WASF3: variants seen among roughly 807,000 people sequenced by gnomAD.
The protein encoded by WASF3 is actin-binding protein WASF3.
Under a neutral mutation model 46.6 loss-of-function variants are expected in WASF3, and 11 were observed. The observed-to-expected ratio is 0.24, with a 90% CI of 0.15 to 0.39. WASF3 has a LOEUF of 0.39. Among genes scored for constraint, WASF3 ranks in the 10% least tolerant of loss-of-function variants. The pLI is 1.00. For missense variants in WASF3, 576 were observed against 669.8 expected (o/e 0.86, Z 1.55); for synonymous variants, 242 against 259.7 (o/e 0.93, Z 0.65).
At chr13:26,627,419 G>C (rs1021088805) in intron 2 of WASF3, among the ~76,000 whole-genome samples, 7 of 152,114 alleles carry the variant, frequency 4.6e-5, no homozygotes, top group African/African-American at 1.7e-4. Context: ...TGCTGTGCAT[G>C]CAACATTGTC....
intron 6 of WASF3, among the ~76,000 whole-genome samples, chr13:26,674,876 C>T (rs1253100956): frequency 6.6e-6 from 1 of 152,180 alleles, no homozygotes; most frequent in Non-Finnish European, 1.5e-5. Context: ...TATGTTCTTA[C>T]CAGGCCTTCT....
At chr13:26,601,237 T>A (rs1475569271) in intron 1 of WASF3, among the ~76,000 whole-genome samples, 2 of 152,248 alleles carry the variant, frequency 1.3e-5, no homozygotes, top group East Asian at 3.8e-4. Context: ...ATTCCATTTA[T>A]CTCAGCAGTT....
chr13:26,582,959 A>G (rs1012944452), intron 1 of WASF3, among the ~76,000 whole-genome samples: 8 of 152,200 alleles, frequency 5.3e-5, no homozygotes, highest in Non-Finnish European at 1.2e-4. Context: ...ATACCTTGAG[A>G]GAATAATTAG....
intron 1 of WASF3, among the ~76,000 whole-genome samples, chr13:26,563,636 C>G (rs1879368787): frequency 9.4e-6 from 1 of 106,248 alleles, no homozygotes; most frequent in African/African-American, 3.8e-5. Flanking sequence ...GCCTGGGCAA[C>G]AGAGTGAGAC....
At chr13:26,630,240 A>AT in intron 2 of WASF3, among the ~76,000 whole-genome samples, 1 of 152,208 alleles carries the variant, frequency 6.6e-6, no homozygotes, top group South Asian at 2.1e-4. Context: ...TACATGTGCC[A>AT]TGTTGGTTTG....
chr13:26,545,763 C>A, the WASF3 span, among the ~76,000 whole-genome samples: 1 of 152,118 alleles, frequency 6.6e-6, no homozygotes, highest in Non-Finnish European at 1.5e-5. Context: ...TCACCACATG[C>A]AGTTACTTTT....
chr13:26,600,463 C>T lies in WASF3; in HGVS notation c.-108-12498C>T, dbSNP rs73166067. On this transcript the variant is annotated intron_variant, in intron 1 of 9. Coordinates refer to ENST00000335327, the MANE Select transcript of WASF3 (RefSeq NM_006646.6). ...AAGAATGTAAAGCAGAGTTCTGGCTCAGCATGGCAGGCTCAGTAGCAGTGA... is the reference window on the plus strand; with the variant it reads ...AAGAATGTAAAGCAGAGTTCTGGCTTAGCATGGCAGGCTCAGTAGCAGTGA... Among the ~76,000 whole-genome samples, 1,360 of 152,304 alleles carry T rather than the reference C, an allele frequency of 8.9e-3. 11 individuals carry two copies. Among genetic ancestry groups the T allele is most frequent in the Middle Eastern group, 0.017 (5 of 294 alleles).
At chr13:26,573,907 A>G (rs80199130) in intron 1 of WASF3, among the ~76,000 whole-genome samples, 2,829 of 152,280 alleles carry the variant, frequency 0.019, 88 homozygotes, top group African/African-American at 0.064. Flanking sequence ...ACAGAAATAA[A>G]TCATTATTAT....
At chr13:26,680,010 A>G (rs1005762939) in intron 7 of WASF3, 2 of 1,590,592 alleles carry the variant, frequency 1.3e-6, no homozygotes, top group African/African-American at 1.3e-5. Context: ...CAGCACCCCC[A>G]ATGTGTGTTT....
intron 1 of WASF3, among the ~76,000 whole-genome samples, chr13:26,601,379 G>T (rs1404082493): frequency 8.0e-6 from 1 of 124,666 alleles, no homozygotes; most frequent in African/African-American, 3.1e-5. Context: ...GAGTTCTATA[G>T]TCATTTAATC....
intron 1 of WASF3, among the ~76,000 whole-genome samples, chr13:26,567,689 AAACG>A (rs1237500928): frequency 8.4e-6 from 1 of 119,718 alleles, no homozygotes; most frequent in African/African-American, 3.5e-5. Flanking sequence ...GAAAGCTAAT[AAACG>A]ACATTAAAAA....
At chr13:26,658,386 C>T (rs1449830193) in intron 3 of WASF3, among the ~76,000 whole-genome samples, 1 of 152,200 alleles carries the variant, frequency 6.6e-6, no homozygotes, top group Non-Finnish European at 1.5e-5. Flanking sequence ...ATCTACAAAA[C>T]ACCCAGCATT....
chr13:26,629,158 C>G (rs1475797608), intron 2 of WASF3, among the ~76,000 whole-genome samples: 1 of 152,340 alleles, frequency 6.6e-6, no homozygotes. Context: ...GCTGATAATT[C>G]TGGGTGGACT....
At chr13:26,577,421 G>T in intron 1 of WASF3, 1 of 790,740 alleles carries the variant, frequency 1.3e-6, no homozygotes, top group South Asian at 1.3e-5. Context: ...GCAGAAAAAT[G>T]ACTTGAAAGA....
At position 26,651,004 on chromosome 13, in the gene WASF3, A is replaced by G. The variant is rs150364922; in HGVS notation, c.133+8601A>G. Among the ~76,000 whole-genome samples, 28 of 152,338 alleles carry G rather than the reference A, an allele frequency of 1.8e-4. No individual in the cohort carries two copies. The East Asian group carries it at 4.6e-3, about 25-fold the overall frequency. ...GATAAGTTTTGAATATTGATGATAG[A>G]TATCAACTAACAGACACAAGAAACT... is the stretch of plus-strand genomic sequence containing the variant. On this transcript the variant is annotated intron_variant, in intron 3 of 9. Coordinates refer to ENST00000335327, the MANE Select transcript of WASF3 (RefSeq NM_006646.6).
chr13:26,657,285 A>C (rs550679471), intron 3 of WASF3, among the ~76,000 whole-genome samples: 12 of 152,202 alleles, frequency 7.9e-5, no homozygotes, highest in Admixed American at 4.6e-4. Flanking sequence ...GCATTTTCCA[A>C]ATACAGAAGA....
chr13:26,541,144 AT>A, the WASF3 span, among the ~76,000 whole-genome samples: 1 of 152,200 alleles, frequency 6.6e-6, no homozygotes, highest in Non-Finnish European at 1.5e-5. Context: ...CAAACACACA[AT>A]GTAACATAGC....
chr13:26,554,088 C>CTTTTCTTTCT, upstream of WASF3, among the ~76,000 whole-genome samples: 1 of 27,698 alleles, frequency 3.6e-5, no homozygotes, highest in South Asian at 1.7e-3. Flanking sequence ...TCCTTCCTTC[C>CTTTTCTTTCT]TTCCTTCCTT....
chr13:26,670,445 G>A (rs150324001), intron 5 of WASF3, among the ~76,000 whole-genome samples: 1 of 152,212 alleles, frequency 6.6e-6, no homozygotes, highest in Admixed American at 6.5e-5. Context: ...ATATACCTGT[G>A]TAACAAACCT....
Sources: allele counts gnomAD v4.1 joint callset (sites outside exome capture counted in the v4.1 genomes callset), GRCh38; gene constraint gnomAD v4.1.1; transcripts MANE v1.5; gene names NCBI Gene and HGNC (gene_info 2026-07-23, HGNC 2026-07-21).